VMA12: variants seen among roughly 807,000 people sequenced by gnomAD.
VMA12 encodes vacuolar ATPase assembly factor VMA12, also known as vacuolar ATPase assembly protein VMA12.
chr17:28,357,777 C>T, the VMA12 span: 1 of 1,613,778 alleles, frequency 6.2e-7, no homozygotes, highest in Non-Finnish European at 8.5e-7. Context: ...GAGCTTGAGG[C>T]CGCGCTGGGG....
At chr17:28,360,577 G>C in the VMA12 span, 1 of 1,614,086 alleles carries the variant, frequency 6.2e-7, no homozygotes, top group African/African-American at 1.3e-5. Flanking sequence ...GCAAGGTGAG[G>C]TACTAGGAGA....
the VMA12 span, chr17:28,362,970 A>C: frequency 6.6e-6 from 1 of 152,212 alleles, no homozygotes. Context: ...GGAGGTGGGA[A>C]GAACAAGAAG....
At chr17:28,357,877 A>C in the VMA12 span, 1 of 1,613,888 alleles carries the variant, frequency 6.2e-7, no homozygotes, top group Non-Finnish European at 8.5e-7. Context: ...ATCTGAGAGA[A>C]AGGGGTGAGC....
chr17:28,357,908 C>A, the VMA12 span: 14 of 1,611,590 alleles, frequency 8.7e-6, no homozygotes, highest in Non-Finnish European at 1.2e-5. Context: ...AGTCCGGGGT[C>A]CCCTCCTTGT....
the VMA12 span, chr17:28,360,870 AG>A: frequency 6.3e-7 from 1 of 1,594,646 alleles, no homozygotes; most frequent in South Asian, 1.1e-5. Flanking sequence ...TGGGCAGGGC[AG>A]GGTGCCCCTG....
chr17:28,362,974 CAAG>C, the VMA12 span: 1 of 152,200 alleles, frequency 6.6e-6, no homozygotes, highest in Non-Finnish European at 1.5e-5. Flanking sequence ...GTGGGAAGAA[CAAG>C]AAGTTTAGGG....
the VMA12 span, chr17:28,360,593 C>T: frequency 7.4e-6 from 12 of 1,613,978 alleles, no homozygotes; most frequent in Non-Finnish European, 1.0e-5. Flanking sequence ...GGAGATCAGG[C>T]TTCTAAAACC....
the VMA12 span, chr17:28,359,539 T>C: frequency 1.4e-6 from 1 of 723,396 alleles, no homozygotes; most frequent in Non-Finnish European, 2.2e-6. Context: ...GAAGTCTGCA[T>C]ACAAACAACA....
chr17:28,360,812 C>T, the VMA12 span: 3 of 1,613,968 alleles, frequency 1.9e-6, no homozygotes, highest in Admixed American at 3.3e-5. Flanking sequence ...CTGCACTTAC[C>T]TTGGAAGCCA....
the VMA12 span, chr17:28,360,111 GCA>G: frequency 5.8e-6 from 1 of 172,862 alleles, no homozygotes; most frequent in South Asian, 1.3e-4. Context: ...GGGATTACAG[GCA>G]TGCACCACCA....
chr17:28,359,527 A>C, the VMA12 span: 1 of 827,778 alleles, frequency 1.2e-6, no homozygotes, highest in Admixed American at 2.7e-5. Flanking sequence ...CAGGGACCAT[A>C]GGAAGTCTGC....
chr17:28,359,281 A>G, the VMA12 span: 3 of 1,608,294 alleles, frequency 1.9e-6, no homozygotes, highest in African/African-American at 2.7e-5. Context: ...CAAGCTGGGA[A>G]TATCATTCTT....
At chr17:28,360,421 G>A in the VMA12 span, 1,637 of 1,011,760 alleles carry the variant, frequency 1.6e-3, 25 homozygotes, top group African/African-American at 0.025. Context: ...GAATCCATGG[G>A]GAGGGCAGAG....
chr17:28,359,888 G>A, the VMA12 span, among the ~76,000 whole-genome samples: 2 of 152,194 alleles, frequency 1.3e-5, no homozygotes, highest in African/African-American at 4.8e-5. Flanking sequence ...TCCAGCCTGA[G>A]CAACAAGAGC....
the VMA12 span, chr17:28,361,316 C>T: frequency 4.0e-5 from 60 of 1,502,354 alleles, no homozygotes; most frequent in East Asian, 1.4e-4. Flanking sequence ...TGGCAGTCAC[C>T]GACTCAGTCA....
chr17:28,360,751 T>C, the VMA12 span: 2 of 1,613,914 alleles, frequency 1.2e-6, no homozygotes, highest in African/African-American at 1.3e-5. Context: ...CATTGAAGGC[T>C]CTGGTCATCA....
the VMA12 span, chr17:28,359,430 G>C: frequency 3.1e-6 from 5 of 1,610,306 alleles, no homozygotes; most frequent in African/African-American, 1.3e-5. Flanking sequence ...TCAGTACGTG[G>C]TCTAGGTAGC....
At chr17:28,358,929 C>T in the VMA12 span, 1 of 1,610,680 alleles carries the variant, frequency 6.2e-7, no homozygotes, top group African/African-American at 1.3e-5. Flanking sequence ...CCAAACTATA[C>T]CTCCATGAGC....
At chr17:28,358,451 G>A in the VMA12 span, 7 of 472,360 alleles carry the variant, frequency 1.5e-5, no homozygotes, top group Non-Finnish European at 3.1e-5. Context: ...GAAGGAACAG[G>A]ACAAACTAGC....
Sources: gnomAD v4.1 joint callset for allele counts (sites outside exome capture counted in the v4.1 genomes callset) on GRCh38, gnomAD v4.1.1 for gene constraint, MANE v1.5 for transcripts, NCBI Gene and HGNC (gene_info 2026-07-23, HGNC 2026-07-21) for gene names.